Variants in PALLD observed in about 807,000 individuals in gnomAD.
PALLD encodes palladin.
Under a neutral mutation model 123.5 loss-of-function variants are expected in PALLD, and 61 were observed. That is an observed-to-expected ratio of 0.49 (90% CI 0.40 to 0.61). The LOEUF is 0.61. PALLD is among the 20% of genes least tolerant of loss of function. The probability of loss-of-function intolerance (pLI) is 0.00; values close to 1 mark genes in which losing one functional copy is unlikely to be tolerated. For synonymous variants in PALLD, 465 were observed against 496.4 expected (o/e 0.94, Z 0.84); for missense variants, 1,273 against 1,377.0 (o/e 0.92, Z 1.20).
chr4:168,515,147 T>G (rs1033009456), intron 2 of PALLD, among the ~76,000 whole-genome samples: 1 of 152,196 alleles, frequency 6.6e-6, no homozygotes, highest in Non-Finnish European at 1.5e-5. Context: ...TAGATGCTCA[T>G]TGGATTTTTT....
intron 12 of PALLD, 105 bp from the exon 13 acceptor site, chr4:168,896,444 C>T (rs1487438107): frequency 1.4e-5 from 10 of 715,130 alleles, no homozygotes; most frequent in Middle Eastern, 2.4e-4. Context: ...TACTACCAAA[C>T]GCATATTGCT....
intron 2 of PALLD, among the ~76,000 whole-genome samples, chr4:168,623,064 C>T (rs372425184): frequency 5.3e-5 from 8 of 152,348 alleles, no homozygotes; most frequent in Middle Eastern, 3.4e-3. Context: ...AAAATATCTA[C>T]ATCAAGGCCT....
In PALLD at chr4:168,748,367, G is replaced by A. The variant is rs186791918; in HGVS notation, c.1964+36444G>A. ...AGTCCACCAGGTGTTTCTAACCACT[G>A]GTACAGACAAATCAGACAAGCATAA... On this transcript the variant is annotated intron_variant, in intron 10 of 21. Transcript: ENST00000505667. Among the ~76,000 whole-genome samples, 55 of 152,262 alleles carry A rather than the reference G, an allele frequency of 3.6e-4. No individual in the cohort carries two copies. The South Asian group carries it at 5.2e-3, about 14-fold the overall frequency.
At chr4:168,617,389 A>G (rs1041071688) in intron 2 of PALLD, among the ~76,000 whole-genome samples, 3 of 152,180 alleles carry the variant, frequency 2.0e-5, no homozygotes, top group African/African-American at 4.8e-5. Context: ...TGGTACTGAT[A>G]AGCTGATTTC....
chr4:168,608,465 T>C (rs1035564683), intron 2 of PALLD, among the ~76,000 whole-genome samples: 1 of 152,220 alleles, frequency 6.6e-6, no homozygotes, highest in African/African-American at 2.4e-5. Context: ...CAAAGAAACA[T>C]GAATCCATAT....
chr4:168,820,184 G>C (rs1581635090), intron 10 of PALLD, among the ~76,000 whole-genome samples: 1 of 152,236 alleles, frequency 6.6e-6, no homozygotes, highest in East Asian at 1.9e-4. Context: ...CAGAAGTCAT[G>C]TTTCTCAGTA....
chr4:168,810,834 A>AAAAAAG (rs1561549714), intron 10 of PALLD, among the ~76,000 whole-genome samples: 1 of 145,686 alleles, frequency 6.9e-6, no homozygotes, highest in Non-Finnish European at 1.5e-5. Context: ...AAAGAAAAAA[A>AAAAAAG]AAGAAGAAGA....
At chr4:168,564,335 CCATGACGTTAGCATTT>C (rs955660809) in intron 2 of PALLD, among the ~76,000 whole-genome samples, 34 of 152,196 alleles carry the variant, frequency 2.2e-4, no homozygotes, top group African/African-American at 8.0e-4. Flanking sequence ...CTTCAACCTA[CCATGACGTTAGCATTT>C]CATCTCTTCA....
In PALLD at chr4:168,758,378, C is replaced by G. The variant is rs575402405; in HGVS notation, c.1964+46455C>G. ...AAATGAATGTGAAATGCTGCCTGTCCTCTTTCTCCTGTCTTCCTTTCAGTG... is the reference window on the plus strand; with the variant it reads ...AAATGAATGTGAAATGCTGCCTGTCGTCTTTCTCCTGTCTTCCTTTCAGTG... On this transcript the variant is annotated intron_variant, in intron 10 of 21. Transcript: ENST00000505667. 6.6e-5 allele frequency among the ~76,000 whole-genome samples: 10 copies of G among 152,306 alleles called. No individual in the cohort carries two copies. In the South Asian group the frequency reaches 2.1e-3, roughly 32 times the overall value.
rs200282228 is a variant in PALLD, at chr4:168,650,406, A to G, written c.909-17784A>G. ...ACAGTTAGTCTACGATGTGTTGTTG[A>G]CAGCTGCGTCTAACATTCTTTTTAA... is the stretch of plus-strand genomic sequence containing the variant. On this transcript the variant is annotated intron_variant, in intron 2 of 21. Coordinates refer to ENST00000505667, the MANE Select transcript of PALLD (RefSeq NM_001166108.2). 6.5e-4 allele frequency among the ~76,000 whole-genome samples: 99 copies of G among 152,324 alleles called. 2 individuals are homozygous for G. The South Asian group carries it at 0.015, about 23-fold the overall frequency.
intron 10 of PALLD, among the ~76,000 whole-genome samples, chr4:168,739,778 A>G (rs1276362907): frequency 1.3e-5 from 2 of 152,188 alleles, no homozygotes; most frequent in African/African-American, 4.8e-5. Context: ...TCCATCACAC[A>G]CGTCATAAAG....
chr4:168,607,492 T>G (rs1398744032), intron 2 of PALLD, among the ~76,000 whole-genome samples: 1 of 152,210 alleles, frequency 6.6e-6, no homozygotes, highest in East Asian at 1.9e-4. Flanking sequence ...CAGCGGACCC[T>G]TGTATTCCAG....
intron 10 of PALLD, among the ~76,000 whole-genome samples, chr4:168,855,970 C>A (rs1484283596): frequency 6.6e-6 from 1 of 152,170 alleles, no homozygotes; most frequent in Non-Finnish European, 1.5e-5. Context: ...CACACAGTAC[C>A]CAAGAGGATG....
At chr4:168,541,061 C>T (rs1253735798) in intron 2 of PALLD, among the ~76,000 whole-genome samples, 3 of 152,182 alleles carry the variant, frequency 2.0e-5, no homozygotes, top group African/African-American at 4.8e-5. Flanking sequence ...AATAAGTACA[C>T]TTCAGTTCTA....
At chr4:168,680,580 T>C (rs1781458776) in intron 3 of PALLD, among the ~76,000 whole-genome samples, 1 of 151,424 alleles carries the variant, frequency 6.6e-6, no homozygotes, top group African/African-American at 2.4e-5. Context: ...AGGTACCCAC[T>C]GATCTTTACT....
intron 10 of PALLD, among the ~76,000 whole-genome samples, chr4:168,826,679 A>C (rs1179145834): frequency 2.6e-5 from 4 of 151,856 alleles, no homozygotes; most frequent in African/African-American, 7.3e-5. Flanking sequence ...ATTAAAAGGC[A>C]AAAACAAACA....
chr4:168,544,857 G>T (rs1580235482), intron 2 of PALLD, among the ~76,000 whole-genome samples: 1 of 152,156 alleles, frequency 6.6e-6, no homozygotes. Context: ...CTGGAGGGTT[G>T]TCCAAGTCAT....
At position 168,546,354 on chromosome 4, in the gene PALLD, T is replaced by C. The variant is rs575140499; in HGVS notation, c.908+33942T>C. Among the ~76,000 whole-genome samples, 6 of 126,496 alleles carry C rather than the reference T, an allele frequency of 4.7e-5. No individual in the cohort carries two copies. In the South Asian group the frequency reaches 1.5e-3, roughly 32 times the overall value. 83.0% of individuals were successfully genotyped at this position (126,496 alleles called of 152,430 possible). ...AGAACAGAGATGCCTGCTTTTCAAATTAAAATGTTTATCATTCCAGCTCCT... is the reference window on the plus strand; with the variant it reads ...AGAACAGAGATGCCTGCTTTTCAAACTAAAATGTTTATCATTCCAGCTCCT... On this transcript the variant is annotated intron_variant, in intron 2 of 21. Coordinates refer to ENST00000505667, the MANE Select transcript of PALLD (RefSeq NM_001166108.2).
At chr4:168,900,728 A>C (rs1756329630) in intron 14 of PALLD, among the ~76,000 whole-genome samples, 1 of 152,216 alleles carries the variant, frequency 6.6e-6, no homozygotes, top group Admixed American at 6.5e-5. Context: ...TTTTTAAAAT[A>C]AACTCCATTG....
Sources: allele counts gnomAD v4.1 joint callset (sites outside exome capture counted in the v4.1 genomes callset), GRCh38; gene constraint gnomAD v4.1.1; transcripts MANE v1.5; gene names NCBI Gene and HGNC (gene_info 2026-07-23, HGNC 2026-07-21).